Variants in BDP1 observed in about 807,000 individuals in gnomAD.
The protein encoded by BDP1 is BDP1 general transcription factor IIIB subunit, also known as transcription factor TFIIIB component B'' homolog.
BDP1 carries 169 observed loss-of-function variants against 266.6 expected under a neutral mutation model. The ratio of observed to expected loss-of-function variants is 0.63; its 90% CI spans 0.56 to 0.72. BDP1 has a LOEUF of 0.72. BDP1 is among the 30% of genes least tolerant of loss of function. The pLI, the probability that BDP1 is intolerant of heterozygous loss-of-function variation, is 0.00. For synonymous variants in BDP1, 1,090 were observed against 1,022.4 expected (o/e 1.07, Z -1.26); for missense variants, 3,015 against 3,053.8 (o/e 0.99, Z 0.30).
At chr5:71,569,545 G>A (rs1744196975), downstream of BDP1, among the ~76,000 whole-genome samples, 1 of 152,030 alleles carries the variant, frequency 6.6e-6, no homozygotes, top group South Asian at 2.1e-4. Context: ...CCAGGAGTTT[G>A]AGACTAGCCT....
intron 4 of BDP1, among the ~76,000 whole-genome samples, 189 bp downstream of exon 4, chr5:71,464,306 G>A (rs545212534): frequency 4.5e-4 from 69 of 152,088 alleles, no homozygotes; most frequent in Non-Finnish European, 7.1e-4. Flanking sequence ...ACCAGCCTGG[G>A]CATCATAGTG....
At chr5:71,545,274 A>G (rs1561775105) in intron 32 of BDP1, 55 bp downstream of exon 32, 1 of 1,447,848 alleles carries the variant, frequency 6.9e-7, no homozygotes, top group Admixed American at 2.1e-5. Flanking sequence ...TCCATTTAAA[A>G]AAAAAAAGGT....
chr5:71,474,672 AC>A (rs1026747963), intron 7 of BDP1, among the ~76,000 whole-genome samples: 11 of 150,150 alleles, frequency 7.3e-5, no homozygotes, highest in Non-Finnish European at 1.5e-4. Context: ...ACATGATGAA[AC>A]CCCGATCCTA....
chr5:71,471,008 C>T (rs1467525826), intron 7 of BDP1, among the ~76,000 whole-genome samples: 2 of 150,640 alleles, frequency 1.3e-5, no homozygotes, highest in Non-Finnish European at 3.0e-5. Context: ...TTCATATTTT[C>T]TTATATCTTC....
rs747149501 is a variant in BDP1 at position 71,524,173 on chromosome 5, A to G, written c.5622A>G (p.Glu1874=). Residue 1874 remains glutamate (E), a synonymous_variant, in exon 25 of 39, where the codon GAA becomes GAG. Transcript: ENST00000358731. ...MLVTLRASQE[E]DDDADDFESD... Reference sequence around the variant, plus strand: ...TGACTCTTCGGGCTTCCCAGGAAGAAGATGATGATGCTGACGATTTTGAGT... The same window carrying G: ...TGACTCTTCGGGCTTCCCAGGAAGAGGATGATGATGCTGACGATTTTGAGT... 6.2e-7 allele frequency: 1 copy of G among 1,614,090 alleles called. No individual in the cohort carries two copies. The highest frequency in any genetic ancestry group is 8.5e-7 in the Non-Finnish European group (1 of 1,180,042).
intron 26 of BDP1, among the ~76,000 whole-genome samples, chr5:71,534,116 T>A (rs1766434940): frequency 6.6e-6 from 1 of 152,216 alleles, no homozygotes. Flanking sequence ...GTTAATCTGT[T>A]TTTTCATTTG....
chr5:71,483,733 A>C, intron 7 of BDP1, 109 bp from the exon 8 acceptor site: 1 of 770,868 alleles, frequency 1.3e-6, no homozygotes, highest in Non-Finnish European at 2.2e-6. Context: ...CATATTAAGT[A>C]GAGAGCAGTA....
At chr5:71,551,188 T>C (rs1429211729) in intron 34 of BDP1, among the ~76,000 whole-genome samples, 1 of 151,998 alleles carries the variant, frequency 6.6e-6, no homozygotes, top group East Asian at 1.9e-4. Context: ...CATAGGACAA[T>C]AGTGGAGGGA....
At chr5:71,505,700 C>T (rs2150455493) in intron 16 of BDP1, among the ~76,000 whole-genome samples, 1 of 152,218 alleles carries the variant, frequency 6.6e-6, no homozygotes, top group Admixed American at 6.5e-5. Flanking sequence ...GCTGTATTAG[C>T]CTATTTAAAT....
chr5:71,459,103 A>T (rs530957027), intron 2 of BDP1, among the ~76,000 whole-genome samples: 1 of 152,242 alleles, frequency 6.6e-6, no homozygotes, highest in South Asian at 2.1e-4. Flanking sequence ...ACCACAAATA[A>T]GTTTCATACG....
At chr5:71,512,480 G>GT in intron 18 of BDP1, 52 bp downstream of exon 18, 1 of 1,194,052 alleles carries the variant, frequency 8.4e-7, no homozygotes, top group Non-Finnish European at 1.1e-6. Flanking sequence ...TGCAGATTAC[G>GT]TTAAACTAAG....
At chr5:71,532,989 A>G (rs1766348480) in intron 26 of BDP1, among the ~76,000 whole-genome samples, 1 of 152,062 alleles carries the variant, frequency 6.6e-6, no homozygotes, top group Admixed American at 6.5e-5. Context: ...GTCTTTATAG[A>G]TTTGCCTGTT....
rs1225642735 is a variant in BDP1, at chr5:71,553,344, T to G, written c.7200+24T>G. ...AGGTAAGTGGTATATTAAGTACCAC[T>G]CAATATGGCCATTAAGTAAGATGGC... On this transcript the variant is annotated intron_variant, in intron 35 of 38. Coordinates refer to ENST00000358731, the MANE Select transcript of BDP1 (RefSeq NM_018429.3). 4 of 1,544,138 alleles carry G rather than the reference T, an allele frequency of 2.6e-6. No individual in the cohort carries two copies. The South Asian group carries it at 4.6e-5, about 18-fold the overall frequency.
At chr5:71,545,270 T>C in intron 32 of BDP1, 51 bp downstream of exon 32, 4 of 1,242,322 alleles carry the variant, frequency 3.2e-6, no homozygotes, top group Non-Finnish European at 3.3e-6. Context: ...TTCCTCCATT[T>C]AAAAAAAAAA....
intron 7 of BDP1, among the ~76,000 whole-genome samples, chr5:71,476,894 G>A (rs530367226): frequency 2.6e-5 from 4 of 152,202 alleles, no homozygotes; most frequent in East Asian, 1.9e-4. Flanking sequence ...TAGTAGAGAC[G>A]GGGTTTCACC....
chr5:71,526,035 G>T (rs901021992), intron 25 of BDP1, among the ~76,000 whole-genome samples: 1 of 152,102 alleles, frequency 6.6e-6, no homozygotes, highest in Non-Finnish European at 1.5e-5. Context: ...CCCAGACGGG[G>T]TGGCGGCCGG....
In BDP1 at chr5:71,486,628, G is replaced by T; in HGVS notation, c.1213+1G>T. On this transcript the variant is annotated splice_donor_variant, in intron 9 of 38. Transcript: ENST00000358731. LOFTEE classifies it high-confidence loss of function. ...ACCAAACCACGGAAAAATGTAAAAG[G>T]TATTGATTTTAAAAGGAAGTGTGAT... 1.3e-6 allele frequency: 2 copies of T among 1,512,192 alleles called. No individual in the cohort carries two copies. Among genetic ancestry groups the T allele is most frequent in the Non-Finnish European group, 1.7e-6 (2 of 1,142,950 alleles). The allele number at this position is 1,512,192 out of a possible 1,614,324, so 93.7% of individuals were successfully genotyped here.
Position 71,548,688 on chromosome 5 carries a change from CCAA to C in BDP1, c.6755_6757del (p.Thr2252del). 6.2e-7 allele frequency: 1 copy of C among 1,604,820 alleles called. No individual in the cohort carries two copies. The highest frequency in any genetic ancestry group is 8.5e-7 in the Non-Finnish European group (1 of 1,172,458). On this transcript the variant is annotated inframe_deletion, in exon 33 of 39. Transcript: ENST00000358731. ...TTTTAATTTTTTATGGCAGTATACA[CCAA>C]CAAGTATTCCAGAAGTCCAACAAGA...
At chr5:71,543,956 C>CT (rs113898304) in intron 30 of BDP1, among the ~76,000 whole-genome samples, 2 of 152,152 alleles carry the variant, frequency 1.3e-5, no homozygotes, top group Admixed American at 1.3e-4. Flanking sequence ...ATATAGAAGT[C>CT]TTTTTTTCCC....
Sources: gnomAD v4.1 joint callset for allele counts (sites outside exome capture counted in the v4.1 genomes callset) on GRCh38, gnomAD v4.1.1 for gene constraint, MANE v1.5 for transcripts, NCBI Gene and HGNC (gene_info 2026-07-23, HGNC 2026-07-21) for gene names.